Variants in ZNF30 observed in about 807,000 individuals in gnomAD.
The protein encoded by ZNF30 is zinc finger protein 30.
Under a neutral mutation model 13.2 loss-of-function variants are expected in ZNF30, and 15 were observed. The ratio of observed to expected loss-of-function variants is 1.13; its 90% CI spans 0.76 to 1.75. ZNF30 has a LOEUF of 1.75. Among genes scored for constraint, ZNF30 ranks in the 40% most tolerant of loss-of-function variants. The probability of loss-of-function intolerance (pLI) is 0.00; values close to 1 mark genes in which losing one functional copy is unlikely to be tolerated. For missense variants in ZNF30, 726 were observed against 757.0 expected (o/e 0.96, Z 0.48); for synonymous variants, 223 against 256.6 (o/e 0.87, Z 1.25).
intron 3 of ZNF30, among the ~76,000 whole-genome samples, chr19:34,933,109 A>G (rs936670299): frequency 2.6e-5 from 4 of 152,048 alleles, no homozygotes; most frequent in Admixed American, 6.6e-5. Context: ...ATAAATGAGT[A>G]TACACTTATC....
At chr19:34,931,773 T>C in intron 2 of ZNF30, 70 bp from the exon 3 acceptor site, 4 of 1,483,384 alleles carry the variant, frequency 2.7e-6, no homozygotes, top group East Asian at 2.4e-5. Flanking sequence ...ATGTTATTGC[T>C]CCCTTACTAC....
intron 3 of ZNF30, among the ~76,000 whole-genome samples, chr19:34,932,444 C>T (rs1448340035): frequency 6.6e-6 from 1 of 152,178 alleles, no homozygotes; most frequent in East Asian, 1.9e-4. Flanking sequence ...AGAGTAAATG[C>T]AAATTAAATC....
In ZNF30 at chr19:34,933,677, A is replaced by G. The variant is rs2012580464; in HGVS notation, c.210A>G (p.Lys70=). 6.3e-7 allele frequency: 1 copy of G among 1,599,964 alleles called. No individual in the cohort carries two copies. The highest frequency in any genetic ancestry group is 1.3e-5 in the African/African-American group (1 of 74,718). ...TGATCGCCTTATTGGAACAATGGAA[A>G]GAGCCTGAAGTGACAGTGAGGAAAG... ...PHVIALLEQW[K]EPEVTVRKDG... is the part of the protein sequence containing the mutation. The change falls in exon 4 of 5, where the codon AAA becomes AAG. Residue 70 remains lysine, a synonymous_variant. Transcript: ENST00000601142.
chr19:34,944,876 C>G lies in ZNF30; in HGVS notation c.*38C>G, dbSNP rs766489923. The G allele has an allele frequency of 1.9e-5, 29 of 1,507,648 alleles. No individual in the cohort carries two copies. Among genetic ancestry groups the G allele is most frequent in the Non-Finnish European group, 2.5e-5 (28 of 1,126,556 alleles). 93.4% of individuals were successfully genotyped at this position (1,507,648 alleles called of 1,614,324 possible). ...TGTGGGAAGTGCTTCGTGTGTGGCT[C>G]AAACATTGTTGAACATCGGGGAATT... is the stretch of plus-strand genomic sequence containing the variant. On this transcript the variant is annotated 3_prime_UTR_variant, in exon 5 of 5. Coordinates refer to ENST00000601142, the MANE Select transcript of ZNF30 (RefSeq NM_194325.3).
In ZNF30 at chr19:34,929,293, TAAAAC is replaced by T. The variant is rs372368021; in HGVS notation, c.-64-571_-64-567del. 2.7e-3 allele frequency among the ~76,000 whole-genome samples: 410 copies of T among 152,190 alleles called. 15 individuals are homozygous for T. Among genetic ancestry groups the T allele is most frequent in the African/African-American group, 9.0e-3 (372 of 41,520 alleles). On this transcript the variant is annotated intron_variant, in intron 1 of 4. Coordinates refer to ENST00000601142, the MANE Select transcript of ZNF30 (RefSeq NM_194325.3). ...CAGGGCGAGACTCCGTCTCAAAAAA[TAAAAC>T]AAAACAAAACAAAACAAAAGAGCCA... is the stretch of plus-strand genomic sequence containing the variant.
upstream of ZNF30, chr19:34,926,613 A>C (rs2012082468): frequency 1.0e-5 from 2 of 193,376 alleles, no homozygotes; most frequent in Admixed American, 6.1e-5. Flanking sequence ...GCGAAAAGCA[A>C]ACAGTACGGA....
chr19:34,934,051 C>G (rs1321294970), intron 4 of ZNF30, among the ~76,000 whole-genome samples: 1 of 151,806 alleles, frequency 6.6e-6, no homozygotes, highest in East Asian at 1.9e-4. Flanking sequence ...TTCATATATT[C>G]TTAGACAGTA....
intron 3 of ZNF30, among the ~76,000 whole-genome samples, chr19:34,933,134 TTAGA>T (rs996481848): frequency 8.5e-5 from 13 of 152,060 alleles, no homozygotes; most frequent in African/African-American, 2.9e-4. Context: ...TTTATAATAG[TTAGA>T]TAGATAGATA....
chr19:34,929,996 A>G (rs761292890), intron 2 of ZNF30, 40 bp downstream of exon 2: 1 of 1,585,218 alleles, frequency 6.3e-7, no homozygotes, highest in Non-Finnish European at 8.6e-7. Flanking sequence ...GGATTTTTAT[A>G]TTACGTGGCT....
At position 34,930,740 on chromosome 19, in the gene ZNF30, G is replaced by A. The variant is rs536095501; in HGVS notation, c.9+784G>A. Among the ~76,000 whole-genome samples, 36 of 152,220 alleles carry A rather than the reference G, an allele frequency of 2.4e-4. 1 individual carries two copies. Among genetic ancestry groups the A allele is most frequent in the African/African-American group, 6.3e-4 (26 of 41,530 alleles). On this transcript the variant is annotated intron_variant, in intron 2 of 4. Transcript: ENST00000601142. The stretch of plus-strand genomic sequence containing the variant: ...TAGCCAGGCATGGGGGCACATGCCT[G>A]TAGTCCTAACTACTTGGGACCCTCA...
intron 1 of ZNF30, 49 bp from the exon 2 acceptor site, chr19:34,929,835 T>C (rs2012343193): frequency 1.0e-6 from 1 of 961,794 alleles, no homozygotes; most frequent in African/African-American, 1.7e-5. Flanking sequence ...TATTAATGTA[T>C]GTCATTGAGA....
At chr19:34,940,561 A>G (rs2151673284) in intron 4 of ZNF30, among the ~76,000 whole-genome samples, 1 of 150,760 alleles carries the variant, frequency 6.6e-6, no homozygotes, top group Non-Finnish European at 1.5e-5. Flanking sequence ...CCAGCTACTC[A>G]GGAGGCTGAG....
intron 2 of ZNF30, among the ~76,000 whole-genome samples, chr19:34,930,340 T>G (rs183144824): frequency 1.5e-4 from 23 of 152,314 alleles, no homozygotes; most frequent in Admixed American, 1.5e-3. Context: ...GCTGATAAGA[T>G]GGAATTTTGT....
At chr19:34,938,571 G>T (rs886079254) in intron 4 of ZNF30, among the ~76,000 whole-genome samples, 1 of 151,762 alleles carries the variant, frequency 6.6e-6, no homozygotes, top group Non-Finnish European at 1.5e-5. Context: ...ATTTTTTGCC[G>T]TACCATTTAA....
At chr19:34,924,206 G>A (rs972947696), upstream of ZNF30, among the ~76,000 whole-genome samples, 7 of 152,172 alleles carry the variant, frequency 4.6e-5, no homozygotes, top group Admixed American at 3.9e-4. Context: ...ATCCTTAGCT[G>A]TCATCTATGG....
chr19:34,934,859 A>G (rs113009317), intron 4 of ZNF30, among the ~76,000 whole-genome samples: 10,616 of 152,192 alleles, frequency 0.07, 1,093 homozygotes, highest in African/African-American at 0.22. Context: ...GCAGCAAACA[A>G]CCGTGGCACA....
rs759252624 is a variant in ZNF30, at chr19:34,943,963, C to T, written c.997C>T (p.Arg333Ter). 5.0e-6 allele frequency: 8 copies of T among 1,613,826 alleles called. No homozygotes were observed. The highest frequency in any genetic ancestry group is 2.2e-5 in the East Asian group (1 of 44,856). Residue 333 changes from arginine to a stop codon, truncating the protein, a stop_gained, in exon 5 of 5, where the codon CGA becomes TGA. Coordinates refer to ENST00000601142, the MANE Select transcript of ZNF30 (RefSeq NM_194325.3). LOFTEE classifies it low-confidence loss of function (END_TRUNC). ...KSFTVYGQLTRHQSIHTGEKP... is the reference protein window; with the variant it reads ...KSFTVYGQLT ...CTTCACTGTGTATGGACAGCTTACT[C>T]GACATCAGAGTATTCATACTGGTGA...
In ZNF30 at chr19:34,929,872, TG is replaced by T; in HGVS notation, c.-64-10del. Reference sequence around the variant, plus strand: ...CACTAAAGCCTCCTTTTCTCCTCTCTGGATTTTCTAGCTTTTGAACTTCTCA... The same window carrying T: ...CACTAAAGCCTCCTTTTCTCCTCTCTGATTTTCTAGCTTTTGAACTTCTCA... On this transcript the variant is annotated splice_polypyrimidine_tract_variant and intron_variant, in intron 1 of 4. Transcript: ENST00000601142. 1 of 1,403,474 alleles carries T rather than the reference TG, an allele frequency of 7.1e-7. No individual in the cohort carries two copies. Among genetic ancestry groups the T allele is most frequent in the Non-Finnish European group, 9.8e-7 (1 of 1,023,552 alleles). 86.9% of individuals were successfully genotyped at this position (1,403,474 alleles called of 1,614,324 possible). A position where few individuals can be genotyped will look rare whatever the true frequency, so the allele number is the denominator to read the frequency against.
chr19:34,942,853 A>T (rs563624684), intron 4 of ZNF30, among the ~76,000 whole-genome samples: 1 of 152,320 alleles, frequency 6.6e-6, no homozygotes, highest in Middle Eastern at 3.4e-3. Flanking sequence ...ACAATAAAAT[A>T]TGGATTATAA....
Sources: gnomAD v4.1 joint callset for allele counts (sites outside exome capture counted in the v4.1 genomes callset) on GRCh38, gnomAD v4.1.1 for gene constraint, MANE v1.5 for transcripts, NCBI Gene and HGNC (gene_info 2026-07-23, HGNC 2026-07-21) for gene names.